The following ZNF839 variants were observed in gnomAD, a reference collection of about 807,000 sequenced individuals.
The protein encoded by ZNF839 is zinc finger protein 839.
Under a neutral mutation model 56.4 loss-of-function variants are expected in ZNF839, and 38 were observed. The observed-to-expected ratio is 0.67, with a 90% confidence interval of 0.52 to 0.88. The LOEUF (loss-of-function observed/expected upper bound fraction) is 0.88, where lower values mean the gene tolerates loss of function less well. Among genes scored for constraint, ZNF839 ranks in the 40% least tolerant of loss-of-function variants. The pLI, the probability that ZNF839 is intolerant of heterozygous loss-of-function variation, is 0.00. For synonymous variants in ZNF839, 486 were observed against 493.5 expected (o/e 0.98, Z 0.20); for missense variants, 1,091 against 1,177.6 (o/e 0.93, Z 1.08).
At chr14:102,339,383 C>G (rs1886232188) in intron 7 of ZNF839, among the ~76,000 whole-genome samples, 160 bp downstream of exon 7, 1 of 152,170 alleles carries the variant, frequency 6.6e-6, no homozygotes, top group East Asian at 1.9e-4. Flanking sequence ...TCCCAGTGTT[C>G]TGTCATTCCA....
rs147191225 is a variant in ZNF839, at chr14:102,340,826, C to G, written c.1928-497C>G. On this transcript the variant is annotated intron_variant, in intron 7 of 7. Coordinates refer to ENST00000442396, the MANE Select transcript of ZNF839 (RefSeq NM_018335.6). ...GTGGCTCATGCCTGTAATCCCAGCACTTTGGGAGGCTGAGTCGGGTGGCTC... is the reference window on the plus strand; with the variant it reads ...GTGGCTCATGCCTGTAATCCCAGCAGTTTGGGAGGCTGAGTCGGGTGGCTC... 2.6e-3 allele frequency among the ~76,000 whole-genome samples: 396 copies of G among 152,134 alleles called. 2 individuals carry two copies. Among genetic ancestry groups the G allele is most frequent in the African/African-American group, 8.8e-3 (364 of 41,520 alleles).
intron 2 of ZNF839, among the ~76,000 whole-genome samples, chr14:102,327,862 C>T (rs573790994): frequency 3.2e-4 from 49 of 151,936 alleles, no homozygotes; most frequent in Non-Finnish European, 6.0e-4. Context: ...TCAGTAAAAC[C>T]AATGGCAGTG....
Position 102,325,143 on chromosome 14 carries a change from G to A in ZNF839, c.289-842G>A, listed in dbSNP as rs114969042. Among the ~76,000 whole-genome samples the A allele has an allele frequency of 3.8e-3, 575 of 152,104 alleles. 6 individuals carry two copies. Among genetic ancestry groups the A allele is most frequent in the African/African-American group, 0.013 (533 of 41,508 alleles). On this transcript the variant is annotated intron_variant, in intron 1 of 7. Transcript: ENST00000442396. ...AAGGCAGGTGGATCAATCACTTGAC[G>A]TCAGGAATTTGAGACCAGCCTGGCC...
At chr14:102,328,369 AAAAAAAATATATATATATAT>A (rs1371975310) in intron 2 of ZNF839, among the ~76,000 whole-genome samples, 116 of 35,106 alleles carry the variant, frequency 3.3e-3, no homozygotes, top group African/African-American at 9.1e-3. Context: ...AAAAAAAAAA[AAAAAAAATATATATATATAT>A]ATATATATAT....
chr14:102,336,594 C>T (rs963832262), intron 5 of ZNF839: 17 of 424,390 alleles, frequency 4.0e-5, no homozygotes, highest in Non-Finnish European at 7.4e-5. Flanking sequence ...CACATCCGGT[C>T]CCCAGTTTTT....
chr14:102,333,510 G>A (rs2073883966), intron 3 of ZNF839, among the ~76,000 whole-genome samples: 3 of 152,002 alleles, frequency 2.0e-5, no homozygotes, highest in Non-Finnish European at 4.4e-5. Flanking sequence ...TAATCCTCCT[G>A]GCTTGGCCTC....
intron 6 of ZNF839, 58 bp downstream of exon 6, chr14:102,339,011 GCTT>G (rs1567297557): frequency 6.2e-6 from 10 of 1,613,654 alleles, no homozygotes; most frequent in South Asian, 2.2e-5. Flanking sequence ...GCGTGGTTTG[GCTT>G]CTTCTGTTCA....
At chr14:102,328,383 T>A (rs1278771188) in intron 2 of ZNF839, among the ~76,000 whole-genome samples, 981 of 55,936 alleles carry the variant, frequency 0.018, 14 homozygotes, top group African/African-American at 0.07. Context: ...AAAATATATA[T>A]ATATATATAT....
In ZNF839 at chr14:102,326,013, C is replaced by T. The variant is rs1381774185; in HGVS notation, c.317C>T (p.Thr106Met). 6.2e-6 allele frequency: 10 copies of T among 1,612,822 alleles called. No individual in the cohort carries two copies. The highest frequency in any genetic ancestry group is 3.3e-5 in the Admixed American group (2 of 59,820). ...CTAGAAGCCATTTGTGTCAAGGTAA[C>T]GTCTGGAGAAACAAAAGGTCAGGAA... Reference protein sequence around the residue: ...QQLEAICVKVTSGETKGQERP... With the variant: ...QQLEAICVKVMSGETKGQERP... Residue 106 changes from threonine (T) to methionine (M), a missense_variant, in exon 2 of 8, where the codon ACG becomes ATG. Thr to Met is a moderately conservative substitution (Grantham distance 81, BLOSUM62 -1). Around this residue, in one of 3 missense-constraint regions of ZNF839, gnomAD observed 614 missense variants for 629.2 expected, o/e 0.98. Transcript: ENST00000442396. The surrounding 1 kb of genome is among the most constrained non-coding windows in gnomAD (Gnocchi z 4.3).
Position 102,339,151 on chromosome 14 carries a change from G to A in ZNF839, c.1855G>A (p.Asp619Asn), listed in dbSNP as rs781315247. ...KRPRREALSN[D>N]TTESLAANSR... ...GCCCAGAAGAGAAGCCCTGTCCAAC[G>A]ATACCACTGAATCTCTTGCTGCCAA... Residue 619 changes from aspartate to asparagine, a missense_variant, in exon 7 of 8, where the codon GAT becomes AAT. Around this residue, in one of 3 missense-constraint regions of ZNF839, gnomAD observed 431 missense variants for 468.0 expected, o/e 0.92. Coordinates refer to ENST00000442396, the MANE Select transcript of ZNF839 (RefSeq NM_018335.6). 21 of 1,613,366 alleles carry A rather than the reference G, an allele frequency of 1.3e-5. No homozygotes were observed. Among genetic ancestry groups the A allele is most frequent in the African/African-American group, 2.7e-5 (2 of 75,054 alleles).
chr14:102,339,202 C>A lies in ZNF839; in HGVS notation c.1906C>A (p.Pro636Thr). Residue 636 changes from proline to threonine, a missense_variant, in exon 7 of 8, where the codon CCC (proline) becomes ACC (threonine). Coordinates refer to ENST00000442396, the MANE Select transcript of ZNF839 (RefSeq NM_018335.6). ...CAGCAGAGGCCGGGAGAAGCCCAGG[C>A]CCTTGCATGCTTTGGCCGCTGGTGA... ...ANSRGREKPRPLHALAAGFSP... is the reference protein window; with the variant it reads ...ANSRGREKPRTLHALAAGFSP... The A allele has an allele frequency of 6.2e-7, 1 of 1,611,630 alleles. No individual in the cohort carries two copies. Among genetic ancestry groups the A allele is most frequent in the Non-Finnish European group, 8.5e-7 (1 of 1,178,866 alleles).
intron 2 of ZNF839, among the ~76,000 whole-genome samples, chr14:102,327,106 C>T (rs1465473147): frequency 6.6e-6 from 1 of 151,862 alleles, no homozygotes; most frequent in Non-Finnish European, 1.5e-5. Flanking sequence ...CTCATATGGC[C>T]ACAGCAGGAA....
At position 102,319,935 on chromosome 14, in the gene ZNF839, C is replaced by T; in HGVS notation, c.170C>T (p.Pro57Leu). Reference protein sequence around the residue: ...QVTKAQPPPPPPPFVLRDAAR... With the variant: ...QVTKAQPPPPLPPFVLRDAAR... The stretch of plus-strand genomic sequence containing the variant: ...ACGAAGGCGCAGCCGCCGCCGCCGC[C>T]GCCCCCCTTCGTGCTGCGGGACGCG... The change falls in exon 1 of 8, where the codon CCG becomes CTG. Residue 57 changes from proline to leucine, a missense_variant. Around this residue, in one of 3 missense-constraint regions of ZNF839, gnomAD observed 614 missense variants for 629.2 expected, o/e 0.98. Coordinates refer to ENST00000442396, the MANE Select transcript of ZNF839 (RefSeq NM_018335.6). The surrounding 1 kb of genome is among the most constrained non-coding windows in gnomAD (Gnocchi z 4.5). The T allele has an allele frequency of 8.3e-7, 1 of 1,206,260 alleles. No individual in the cohort carries two copies. Among genetic ancestry groups the T allele is most frequent in the Non-Finnish European group, 1.0e-6 (1 of 967,668 alleles). 74.7% of individuals were successfully genotyped at this position (1,206,260 alleles called of 1,614,324 possible).
intron 5 of ZNF839, among the ~76,000 whole-genome samples, chr14:102,336,171 T>C (rs1203493267): frequency 6.0e-5 from 9 of 149,746 alleles, no homozygotes; most frequent in Admixed American, 2.7e-4. Flanking sequence ...AGAGACTCTG[T>C]CTCAAAAAAC....
At chr14:102,317,714 T>A (rs986258728), upstream of ZNF839, 3 of 152,236 alleles carry the variant, frequency 2.0e-5, no homozygotes, top group Non-Finnish European at 4.4e-5. Context: ...AGCCACTAGA[T>A]GACTGCCATG....
intron 5 of ZNF839, chr14:102,337,647 G>A (rs1000950847): frequency 1.3e-5 from 2 of 152,044 alleles, no homozygotes; most frequent in African/African-American, 4.8e-5. Flanking sequence ...TACAGAATCC[G>A]GCTTTTTCAG....
chr14:102,328,375 A>AAATATATATATATAT (rs1197718891), intron 2 of ZNF839, among the ~76,000 whole-genome samples: 2 of 16,346 alleles, frequency 1.2e-4, no homozygotes, highest in Non-Finnish European at 2.7e-4. Context: ...AAAAAAAAAA[A>AAATATATATATATAT]ATATATATAT....
In ZNF839 at chr14:102,329,789, CTTTT is replaced by C. The variant is rs35781672; in HGVS notation, c.1192-1814_1192-1811del. Among the ~76,000 whole-genome samples, 21 of 102,102 alleles carry C rather than the reference CTTTT, an allele frequency of 2.1e-4. 1 individual carries two copies. In the East Asian group the frequency reaches 2.5e-3, roughly 12 times the overall value. The allele number at this position is 102,102 out of a possible 152,430, so 67.0% of individuals were successfully genotyped here. ...GATCATATCTGCAAATAGAGATAAC[CTTTT>C]TTTTTTTTTTTTTTTTTTGAGACGA... is the stretch of plus-strand genomic sequence containing the variant. On this transcript the variant is annotated intron_variant, in intron 2 of 7. Transcript: ENST00000442396.
exon 1 of ZNF839, chr14:102,319,736 ACCCGGGTTCGAGT>A: frequency 8.2e-7 from 1 of 1,226,778 alleles, no homozygotes; most frequent in Non-Finnish European, 1.0e-6. This position sits in a 1 kb window ranked among gnomAD's most constrained non-coding sequence, Gnocchi z 4.5. Context: ...TCGCTCAGCG[ACCCGGGTTCGAGT>A]CCCCGCCTCG....
Sources: allele counts gnomAD v4.1 joint callset (sites outside exome capture counted in the v4.1 genomes callset), GRCh38; gene constraint gnomAD v4.1.1; regional missense constraint gnomAD v4.1.1; non-coding constraint Gnocchi (gnomAD v3.1); transcripts MANE v1.5; gene names NCBI Gene and HGNC (gene_info 2026-07-23, HGNC 2026-07-21).